Variants in BEND7 observed in about 807,000 individuals in gnomAD.
BEND7 encodes the protein BEN domain containing 7.
BEND7 carries 28 observed loss-of-function variants against 50.9 expected under a neutral mutation model. That is an observed-to-expected ratio of 0.55 (90% CI 0.41 to 0.75). The LOEUF (loss-of-function observed/expected upper bound fraction) is 0.75, where lower values mean the gene tolerates loss of function less well. Among genes scored for constraint, BEND7 ranks in the 30% least tolerant of loss-of-function variants. The probability of loss-of-function intolerance (pLI) is 0.00; values close to 1 mark genes in which losing one functional copy is unlikely to be tolerated. For missense variants in BEND7, 477 were observed against 491.3 expected (o/e 0.97, Z 0.28); for synonymous variants, 170 against 183.9 (o/e 0.92, Z 0.61).
At chr10:13,445,371 G>GATT (rs1006485854) in intron 8 of BEND7, 1 of 152,182 alleles carries the variant, frequency 6.6e-6, no homozygotes, top group African/African-American at 2.4e-5. Context: ...CTCCTAAAGG[G>GATT]ATTAGCACAT....
At chr10:13,465,442 A>T (rs2074138785) in intron 6 of BEND7, among the ~76,000 whole-genome samples, 1 of 152,198 alleles carries the variant, frequency 6.6e-6, no homozygotes, top group South Asian at 2.1e-4. Context: ...CAAGACACAA[A>T]AGTCAAGGAT....
At chr10:13,518,192 T>C (rs1779336003) in intron 2 of BEND7, among the ~76,000 whole-genome samples, 1 of 152,260 alleles carries the variant, frequency 6.6e-6, no homozygotes, top group Non-Finnish European at 1.5e-5. Flanking sequence ...TTTTCATTTA[T>C]AGGGCAGTTG....
At chr10:13,489,042 A>G (rs1180180242) in intron 5 of BEND7, among the ~76,000 whole-genome samples, 2 of 152,254 alleles carry the variant, frequency 1.3e-5, no homozygotes, top group African/African-American at 4.8e-5. Context: ...GGTTAAAAAA[A>G]GAACTAATAT....
intron 4 of BEND7, among the ~76,000 whole-genome samples, chr10:13,495,220 C>A (rs1045949079): frequency 6.6e-6 from 1 of 152,166 alleles, no homozygotes; most frequent in African/African-American, 2.4e-5. Flanking sequence ...CATAAAGTAA[C>A]CTTTCTTTCT....
chr10:13,490,265 TTCA>T (rs1288486542), intron 5 of BEND7, among the ~76,000 whole-genome samples: 1 of 152,360 alleles, frequency 6.6e-6, no homozygotes, highest in South Asian at 2.1e-4. Flanking sequence ...AGTGTCACTT[TTCA>T]TCGTTTCCAG....
At chr10:13,465,884 C>CGT (rs35791494) in intron 6 of BEND7, among the ~76,000 whole-genome samples, 25 of 150,142 alleles carry the variant, frequency 1.7e-4, no homozygotes, top group Non-Finnish European at 2.4e-4. Context: ...CTCTCTCTCT[C>CGT]GTGTGTGTGT....
chr10:13,490,971 T>C (rs1416815397), intron 5 of BEND7, among the ~76,000 whole-genome samples: 1 of 152,016 alleles, frequency 6.6e-6, no homozygotes, highest in Non-Finnish European at 1.5e-5. Flanking sequence ...ATCCAGCTAA[T>C]TTTTGTATTT....
chr10:13,497,765 T>G (rs1352121531), intron 3 of BEND7, among the ~76,000 whole-genome samples: 1 of 152,186 alleles, frequency 6.6e-6, no homozygotes, highest in African/African-American at 2.4e-5. Flanking sequence ...AATGGAGCAG[T>G]TTAGAGACTT....
chr10:13,444,389 T>A (rs1835848710), intron 8 of BEND7: 1 of 152,208 alleles, frequency 6.6e-6, no homozygotes, highest in Admixed American at 6.5e-5. Context: ...CCTACCCTAG[T>A]CACTTCTGGT....
intron 2 of BEND7, among the ~76,000 whole-genome samples, chr10:13,512,417 A>T (rs1223487712): frequency 6.6e-6 from 1 of 152,244 alleles, no homozygotes; most frequent in Non-Finnish European, 1.5e-5. Flanking sequence ...CTGACAATAC[A>T]CCTAGGAAAA....
chr10:13,488,126 A>G (rs1051806279), intron 5 of BEND7, among the ~76,000 whole-genome samples: 2 of 151,708 alleles, frequency 1.3e-5, no homozygotes, highest in African/African-American at 4.8e-5. Flanking sequence ...CAGATTTCCA[A>G]TACAGATATT....
chr10:13,528,026 T>C (rs2079541258), intron 1 of BEND7, among the ~76,000 whole-genome samples: 1 of 152,216 alleles, frequency 6.6e-6, no homozygotes, highest in South Asian at 2.1e-4. Context: ...GTGAGCTTCT[T>C]TCTCCTTCTT....
chr10:13,440,368 C>T (rs1835170515), downstream of BEND7, among the ~76,000 whole-genome samples: 1 of 152,240 alleles, frequency 6.6e-6, no homozygotes, highest in Non-Finnish European at 1.5e-5. Context: ...AGCGCGGACA[C>T]CTGCAAGACT....
chr10:13,464,666 T>C (rs2074049179), intron 6 of BEND7, among the ~76,000 whole-genome samples: 1 of 152,180 alleles, frequency 6.6e-6, no homozygotes. Context: ...TCTTGGCAAA[T>C]GTCTTTACCA....
chr10:13,507,302 C>T (rs553340256), intron 2 of BEND7, among the ~76,000 whole-genome samples: 1 of 152,280 alleles, frequency 6.6e-6, no homozygotes, highest in Admixed American at 6.5e-5. Flanking sequence ...TCAGAACTGA[C>T]TGACTCTCTC....
chr10:13,454,820 G>A (rs1024114533), intron 6 of BEND7, among the ~76,000 whole-genome samples: 19 of 152,218 alleles, frequency 1.2e-4, no homozygotes, highest in Non-Finnish European at 4.4e-5. Context: ...ACAGTTCAGA[G>A]AAGGGGCCAA....
At position 13,496,200 on chromosome 10, in the gene BEND7, G is replaced by A. The variant is rs536875477; in HGVS notation, c.571+566C>T. 2.6e-4 allele frequency among the ~76,000 whole-genome samples: 40 copies of A among 152,346 alleles called. No individual in the cohort carries two copies. The South Asian group carries it at 8.1e-3, about 31-fold the overall frequency. ...TTACAGACGTGAAATAGGAAGCTCA[G>A]ATGCGCCACACAGCTCCAAAAGCAG... is the stretch of plus-strand genomic sequence containing the variant. On this transcript the variant is annotated intron_variant, in intron 4 of 8. Coordinates refer to ENST00000466271, the MANE Select transcript of BEND7 (RefSeq NM_001369863.1).
intron 6 of BEND7, among the ~76,000 whole-genome samples, chr10:13,465,954 T>C (rs1385470801): frequency 6.6e-6 from 1 of 152,136 alleles, no homozygotes. Flanking sequence ...TCCTTCAGTT[T>C]TGCTACTATG....
intron 6 of BEND7, among the ~76,000 whole-genome samples, chr10:13,468,910 T>C (rs11817862): frequency 0.047 from 7,154 of 152,308 alleles, 528 homozygotes; most frequent in African/African-American, 0.15. Context: ...ATGACTGCTG[T>C]GTGGGTAAGC....
Sources: gnomAD v4.1 joint callset for allele counts (sites outside exome capture counted in the v4.1 genomes callset) on GRCh38, gnomAD v4.1.1 for gene constraint, MANE v1.5 for transcripts, NCBI Gene and HGNC (gene_info 2026-07-23, HGNC 2026-07-21) for gene names.